The following CENPF variants were observed in gnomAD, a reference collection of about 807,000 sequenced individuals.
CENPF encodes the protein AH antigen.
A neutral mutation model predicts 307.3 loss-of-function variants in CENPF; 214 were observed. That is an observed-to-expected ratio of 0.70 (90% confidence interval 0.62 to 0.78). CENPF has a LOEUF of 0.78. Among genes scored for constraint, CENPF ranks in the 30% least tolerant of loss-of-function variants. CENPF has a pLI of 0.00. For synonymous variants in CENPF, 1,259 were observed against 1,270.6 expected, an observed-to-expected ratio of 0.99 and a Z score of 0.19; for missense variants, 3,401 against 3,483.9, an observed-to-expected ratio of 0.98 and a Z score of 0.60.
intron 10 of CENPF, among the ~76,000 whole-genome samples, chr1:214,633,487 G>A (rs961106115): frequency 6.6e-6 from 1 of 152,206 alleles, no homozygotes; most frequent in Non-Finnish European, 1.5e-5. Flanking sequence ...AGGAAAGAAT[G>A]TTTTTCTGTT....
chr1:214,663,822 G>T lies in CENPF; in HGVS notation c.*28G>T, dbSNP rs1339257801. 1.9e-6 allele frequency: 3 copies of T among 1,585,940 alleles called. No homozygotes were observed. The highest frequency in any genetic ancestry group is 2.6e-6 in the Non-Finnish European group (3 of 1,157,614). The stretch of plus-strand genomic sequence containing the variant: ...GCACTTTGTGTGTCAGTACCCCTGG[G>T]AGGTGCCAGTCATTGAATAGATAAG... On this transcript the variant is annotated 3_prime_UTR_variant, in exon 20 of 20. Transcript: ENST00000366955.
Position 214,621,054 on chromosome 1 carries a change from A to G in CENPF, c.865+108A>G, listed in dbSNP as rs181891605. The stretch of plus-strand genomic sequence containing the variant: ...AGTGCTTATGTGTTTTGTTAGGCAC[A>G]TCGGTGTTCAACATCCTAGACTGGT... On this transcript the variant is annotated intron_variant, in intron 6 of 19. Transcript: ENST00000366955. 5.5e-4 allele frequency: 550 copies of G among 1,000,114 alleles called. 3 individuals carry two copies. In the African/African-American group the frequency reaches 8.3e-3, roughly 15 times the overall value. The allele number at this position is 1,000,114 out of a possible 1,614,324, so 62.0% of individuals were successfully genotyped here. A position where few individuals can be genotyped will look rare whatever the true frequency, so the allele number is the denominator to read the frequency against.
intron 7 of CENPF, among the ~76,000 whole-genome samples, chr1:214,626,324 T>C (rs147195064): frequency 1.3e-5 from 2 of 152,298 alleles, no homozygotes; most frequent in African/African-American, 4.8e-5. Context: ...TTCAAACTTG[T>C]TTGTTTTACT....
chr1:214,635,807 T>C (rs560293542), intron 10 of CENPF, among the ~76,000 whole-genome samples: 1 of 152,276 alleles, frequency 6.6e-6, no homozygotes, highest in East Asian at 1.9e-4. Context: ...ATGTCTCCAG[T>C]TATGGACAGA....
chr1:214,639,927 A>G lies in CENPF; in HGVS notation c.1589A>G (p.Asn530Ser). ...TTTATTTATTTTTAAATAGCGAAGA[A>G]TACCTCTCAGGAAACCATGTTAAGA... is the stretch of plus-strand genomic sequence containing the variant. ...QNFAEEMKAK[N>S]TSQETMLRDL... The change falls in exon 12 of 20, where the codon AAT becomes AGT. Residue 530 changes from asparagine (N) to serine (S), a missense_variant. Physicochemically the swap from Asn to Ser is conservative, Grantham distance 46. Transcript: ENST00000366955. 6.6e-7 allele frequency: 1 copy of G among 1,504,028 alleles called. No homozygotes were observed. Among genetic ancestry groups the G allele is most frequent in the East Asian group, 2.4e-5 (1 of 41,006 alleles). The allele number at this position is 1,504,028 out of a possible 1,614,324, so 93.2% of individuals were successfully genotyped here.
In CENPF at chr1:214,641,284, T is replaced by G. The variant is rs2102559381; in HGVS notation, c.2946T>G (p.Ile982Met). 1 of 1,605,916 alleles carries G rather than the reference T, an allele frequency of 6.2e-7. No individual in the cohort carries two copies. The change falls in exon 12 of 20, where the codon ATT becomes ATG. Residue 982 changes from isoleucine to methionine, a missense_variant. Ile to Met is a conservative substitution (Grantham distance 10). Transcript: ENST00000366955. ...AAGAGAATGGGACTCTTAAGGAAAT[T>G]AATGCATCCTTAAATCAAGAGAAGA... ...LTQENGTLKEINASLNQEKMN... is the reference protein window; with the variant it reads ...LTQENGTLKEMNASLNQEKMN...
chr1:214,622,124 A>T lies in CENPF; in HGVS notation c.911A>T (p.His304Leu), dbSNP rs551086675. 40 of 1,614,018 alleles carry T rather than the reference A, an allele frequency of 2.5e-5. No homozygotes were observed. Among genetic ancestry groups the T allele is most frequent in the Non-Finnish European group, 3.0e-5 (35 of 1,180,004 alleles). ...INELELRLQGHEKEMKGQVNK... is the reference protein window; with the variant it reads ...INELELRLQGLEKEMKGQVNK... ...GAGTTGGAACTACGCCTGCAAGGAC[A>T]TGAAAAAGAAATGAAAGGCCAAGTG... is the stretch of plus-strand genomic sequence containing the variant. The change falls in exon 7 of 20, where the codon CAT becomes CTT. Residue 304 changes from histidine (H) to leucine (L), a missense_variant. Transcript: ENST00000366955.
chr1:214,640,814 G>T lies in CENPF; in HGVS notation c.2476G>T (p.Ala826Ser), dbSNP rs771760471. ...AGCAGACCAAAGTCCGAAAAATTCT[G>T]CCATCCTACAAAATAGAGTTGATTC... ...LEADQSPKNS[A>S]ILQNRVDSLE... The change falls in exon 12 of 20, where the codon GCC (alanine) becomes TCC (serine). Residue 826 changes from alanine to serine, a missense_variant. Physicochemically the swap from Ala to Ser is moderately conservative, Grantham distance 99 (BLOSUM62 1). Coordinates refer to ENST00000366955, the MANE Select transcript of CENPF (RefSeq NM_016343.4). 1.9e-6 allele frequency: 3 copies of T among 1,606,482 alleles called. No individual in the cohort carries two copies. The Admixed American group carries it at 5.1e-5, about 28-fold the overall frequency.
intron 14 of CENPF, among the ~76,000 whole-genome samples, chr1:214,650,812 G>A (rs1658440889): frequency 6.6e-6 from 1 of 152,148 alleles, no homozygotes; most frequent in Non-Finnish European, 1.5e-5. Context: ...CCTGAGCCCT[G>A]GAGATTGAGG....
intron 10 of CENPF, among the ~76,000 whole-genome samples, chr1:214,634,239 T>C (rs1036579816): frequency 6.6e-6 from 1 of 152,216 alleles, no homozygotes; most frequent in Admixed American, 6.5e-5. Context: ...GGGATGAAGT[T>C]AATATTTGTC....
rs1657289932 is a variant in CENPF, at chr1:214,614,752, T to C, written c.163-80T>C. The C allele has an allele frequency of 4.3e-6, 4 of 925,542 alleles. No homozygotes were observed. In the Admixed American group the frequency reaches 9.1e-5, roughly 21 times the overall value. The allele number at this position is 925,542 out of a possible 1,614,324, so 57.3% of individuals were successfully genotyped here. The stretch of plus-strand genomic sequence containing the variant: ...TGTATCTCAGGAATTTAGTAGTCAA[T>C]GTTAGACTCAGGTTTACCAATAATA... On this transcript the variant is annotated intron_variant, in intron 2 of 19. Transcript: ENST00000366955.
intron 18 of CENPF, among the ~76,000 whole-genome samples, chr1:214,658,507 C>T (rs1173978873): frequency 6.6e-6 from 1 of 151,404 alleles, no homozygotes; most frequent in African/African-American, 2.4e-5. Context: ...CCCAATTTTA[C>T]AATAAGGCCT....
At chr1:214,653,818 A>G (rs552253752) in intron 16 of CENPF, 1 of 152,362 alleles carries the variant, frequency 6.6e-6, no homozygotes, top group East Asian at 1.9e-4. Flanking sequence ...CACAATAATT[A>G]ATAATGTTCT....
At chr1:214,613,640 G>A (rs370340005) in intron 1 of CENPF, 74 bp from the exon 2 acceptor site, 1 of 1,109,626 alleles carries the variant, frequency 9.0e-7, no homozygotes, top group Non-Finnish European at 1.3e-6. Context: ...GGGGTGGTTA[G>A]ATAGATTCAT....
chr1:214,625,866 C>A (rs1657640835), intron 7 of CENPF, among the ~76,000 whole-genome samples: 1 of 152,084 alleles, frequency 6.6e-6, no homozygotes, highest in Non-Finnish European at 1.5e-5. Flanking sequence ...TTTTTACCCT[C>A]CCTCATTTAT....
chr1:214,634,711 G>C (rs1285276749), intron 10 of CENPF, among the ~76,000 whole-genome samples: 1 of 152,186 alleles, frequency 6.6e-6, no homozygotes, highest in African/African-American at 2.4e-5. Context: ...TCACCTACAG[G>C]CACAGAAAGT....
chr1:214,642,768 C>A lies in CENPF; in HGVS notation c.4430C>A (p.Ser1477Ter). 6.2e-7 allele frequency: 1 copy of A among 1,613,956 alleles called. No homozygotes were observed. The highest frequency in any genetic ancestry group is 8.5e-7 in the Non-Finnish European group (1 of 1,179,936). Residue 1477 changes from serine to a stop codon, truncating the protein, a stop_gained, in exon 12 of 20, where the codon TCA becomes TAA. Transcript: ENST00000366955. LOFTEE classifies it high-confidence loss of function. ...GAGGAGGGGCTCGTTCCATCCCTGTCATCCTCTTGTGTGCCTGACAGCTCT... is the reference window on the plus strand; with the variant it reads ...GAGGAGGGGCTCGTTCCATCCCTGTAATCCTCTTGTGTGCCTGACAGCTCT... Reference protein sequence around the residue: ...GLEEGLVPSLSSSCVPDSSSL... With the variant: ...GLEEGLVPSL
At chr1:214,612,452 G>C (rs1163071621) in intron 1 of CENPF, among the ~76,000 whole-genome samples, 5 of 152,088 alleles carry the variant, frequency 3.3e-5, no homozygotes, top group African/African-American at 1.2e-4. Context: ...GTCTCTGCCA[G>C]GTTTTGGTAT....
At position 214,608,464 on chromosome 1, in the gene CENPF, T is replaced by C. The variant is rs530690137; in HGVS notation, c.-42+5143T>C. On this transcript the variant is annotated intron_variant, in intron 1 of 19. Transcript: ENST00000366955. ...CAGGCCAATGTAGAAGCTGCTCATC[T>C]GGCCCAGGTCCACGGCATTGCTGTG... 213 of 1,613,186 alleles carry C rather than the reference T, an allele frequency of 1.3e-4. 2 individuals are homozygous for C. In the South Asian group the frequency reaches 2.2e-3, roughly 17 times the overall value.
Sources: gnomAD v4.1 joint callset for allele counts (sites outside exome capture counted in the v4.1 genomes callset) on GRCh38, gnomAD v4.1.1 for gene constraint, MANE v1.5 for transcripts, NCBI Gene and HGNC (gene_info 2026-07-23, HGNC 2026-07-21) for gene names.